The following DOK6 variants were observed in gnomAD, a reference collection of about 807,000 sequenced individuals.
The protein encoded by DOK6 is docking protein 6.
Under a neutral mutation model 44.0 loss-of-function variants are expected in DOK6, and 22 were observed. The observed-to-expected ratio is 0.50, with a 90% confidence interval of 0.36 to 0.71. DOK6 has a LOEUF of 0.71. Ranked by LOEUF, DOK6 falls within the 30% of genes least tolerant of loss-of-function variation. The probability of loss-of-function intolerance (pLI) is 0.00; values close to 1 mark genes in which losing one functional copy is unlikely to be tolerated. For missense variants in DOK6, 340 were observed against 416.4 expected, an observed-to-expected ratio of 0.82 and a Z score of 1.60; for synonymous variants, 166 against 145.5, an observed-to-expected ratio of 1.14 and a Z score of -1.01.
At chr18:69,807,538 C>T (rs1302949978) in intron 7 of DOK6, among the ~76,000 whole-genome samples, 2 of 151,784 alleles carry the variant, frequency 1.3e-5, no homozygotes, top group African/African-American at 2.4e-5. Flanking sequence ...CCATATGCTG[C>T]TTATAAGAGA....
At chr18:69,467,129 A>G (rs1015851646) in intron 1 of DOK6, among the ~76,000 whole-genome samples, 2 of 152,186 alleles carry the variant, frequency 1.3e-5, no homozygotes, top group African/African-American at 4.8e-5. Flanking sequence ...ACTATTAGCC[A>G]CTGCCTTATT....
intron 7 of DOK6, among the ~76,000 whole-genome samples, chr18:69,795,531 GA>G (rs1568128494): frequency 6.6e-6 from 1 of 152,124 alleles, no homozygotes. Flanking sequence ...AGTTGCCAGA[GA>G]AAGCAGAAAT....
At chr18:69,701,543 G>A (rs1476471117) in intron 5 of DOK6, among the ~76,000 whole-genome samples, 1 of 152,012 alleles carries the variant, frequency 6.6e-6, no homozygotes, top group African/African-American at 2.4e-5. Flanking sequence ...CATAAATATT[G>A]TAAGCAAAAA....
At chr18:69,454,980 A>C (rs1979583973) in intron 1 of DOK6, among the ~76,000 whole-genome samples, 1 of 146,026 alleles carries the variant, frequency 6.8e-6, no homozygotes, top group East Asian at 2.1e-4. Flanking sequence ...TAGTGGGTGC[A>C]GCGCACCAGC....
chr18:69,549,852 C>T (rs145928907), intron 1 of DOK6, among the ~76,000 whole-genome samples: 2,211 of 140,462 alleles, frequency 0.016, 72 homozygotes, highest in African/African-American at 0.053. Context: ...TCTAAGAAAA[C>T]GTGGGGAAGA....
intron 4 of DOK6, among the ~76,000 whole-genome samples, chr18:69,685,283 C>T (rs558183370): frequency 7.5e-4 from 114 of 152,038 alleles, no homozygotes; most frequent in African/African-American, 2.7e-3. Context: ...AAGTCAAATA[C>T]GTAGCCTGTC....
chr18:69,444,724 A>T (rs1199970031), intron 1 of DOK6, among the ~76,000 whole-genome samples: 1 of 150,332 alleles, frequency 6.7e-6, no homozygotes, highest in East Asian at 2.0e-4. Context: ...GCTCACTGCA[A>T]CCTCCGCCTC....
At chr18:69,627,068 G>A (rs547483718) in intron 3 of DOK6, among the ~76,000 whole-genome samples, 1 of 152,118 alleles carries the variant, frequency 6.6e-6, no homozygotes, top group African/African-American at 2.4e-5. Context: ...ATACTCTCAC[G>A]CAGTGAGACG....
At chr18:69,496,230 G>C (rs1162510069) in intron 1 of DOK6, among the ~76,000 whole-genome samples, 1 of 152,238 alleles carries the variant, frequency 6.6e-6, no homozygotes, top group Non-Finnish European at 1.5e-5. Context: ...GGCACAACCT[G>C]AGTGTCTGTA....
chr18:69,691,667 A>C (rs1415887417), intron 4 of DOK6, among the ~76,000 whole-genome samples: 1 of 152,218 alleles, frequency 6.6e-6, no homozygotes, highest in Non-Finnish European at 1.5e-5. Flanking sequence ...TGGATCAGCA[A>C]CTGGACAAGA....
At chr18:69,742,030 G>A (rs1187963728) in intron 6 of DOK6, among the ~76,000 whole-genome samples, 1 of 152,030 alleles carries the variant, frequency 6.6e-6, no homozygotes, top group Non-Finnish European at 1.5e-5. Flanking sequence ...CTTTCTTTGG[G>A]GGGCCACATG....
chr18:69,712,591 TC>T (rs769812049), intron 5 of DOK6, among the ~76,000 whole-genome samples: 3 of 152,160 alleles, frequency 2.0e-5, no homozygotes, highest in Non-Finnish European at 4.4e-5. Flanking sequence ...ATGCCTGTAA[TC>T]CCAGCACTTT....
intron 6 of DOK6, among the ~76,000 whole-genome samples, chr18:69,747,605 C>T (rs760113509): frequency 6.6e-6 from 1 of 150,694 alleles, no homozygotes; most frequent in African/African-American, 2.4e-5. Flanking sequence ...CCCCTCCCCC[C>T]CACAGAAGAT....
chr18:69,580,648 T>C lies in DOK6; in HGVS notation c.174+16054T>C, dbSNP rs148721512. Among the ~76,000 whole-genome samples the C allele has an allele frequency of 1.0e-3, 157 of 152,354 alleles. No individual in the cohort carries two copies. The East Asian group carries it at 0.024, about 23-fold the overall frequency. On this transcript the variant is annotated intron_variant, in intron 2 of 7. Transcript: ENST00000382713. The stretch of plus-strand genomic sequence containing the variant: ...GTTCAAATCAGGATAATTCACATAT[T>C]CATCACCTCAAACATTTATTTTTCT...
At chr18:69,436,274 C>T (rs1262865529) in intron 1 of DOK6, among the ~76,000 whole-genome samples, 2 of 151,786 alleles carry the variant, frequency 1.3e-5, no homozygotes, top group African/African-American at 2.4e-5. Flanking sequence ...ACCCATCAAC[C>T]CATCATCTAC....
At chr18:69,652,104 G>A (rs1212669483) in intron 3 of DOK6, among the ~76,000 whole-genome samples, 3 of 152,088 alleles carry the variant, frequency 2.0e-5, no homozygotes, top group African/African-American at 7.2e-5. Flanking sequence ...CACAGCTTGT[G>A]GAAAAATAAG....
At chr18:69,579,849 C>G (rs1489894231) in intron 2 of DOK6, among the ~76,000 whole-genome samples, 1 of 152,050 alleles carries the variant, frequency 6.6e-6, no homozygotes, top group Non-Finnish European at 1.5e-5. Flanking sequence ...GAGAGATCCT[C>G]GTGGAGCGGT....
At chr18:69,769,240 A>G (rs1321757327) in intron 7 of DOK6, among the ~76,000 whole-genome samples, 1 of 152,032 alleles carries the variant, frequency 6.6e-6, no homozygotes, top group Non-Finnish European at 1.5e-5. Flanking sequence ...TTAGTACAAA[A>G]TTTCTTACTG....
intron 7 of DOK6, among the ~76,000 whole-genome samples, chr18:69,775,865 G>A (rs2144770484): frequency 6.6e-6 from 1 of 151,838 alleles, no homozygotes; most frequent in Middle Eastern, 3.4e-3. Context: ...AAAGTTTTGG[G>A]AAAAGAGGGT....
Sources: gnomAD v4.1 joint callset for allele counts (sites outside exome capture counted in the v4.1 genomes callset) on GRCh38, gnomAD v4.1.1 for gene constraint, MANE v1.5 for transcripts, NCBI Gene and HGNC (gene_info 2026-07-23, HGNC 2026-07-21) for gene names.